The following CHCHD3 variants were observed in gnomAD, a reference collection of about 807,000 sequenced individuals.
The protein encoded by CHCHD3 is coiled-coil-helix-coiled-coil-helix domain containing 3, also known as MICOS complex subunit MIC19.
Under a neutral mutation model 38.2 loss-of-function variants are expected in CHCHD3, and 20 were observed. The observed-to-expected ratio is 0.52, with a 90% confidence interval of 0.37 to 0.76. The LOEUF (loss-of-function observed/expected upper bound fraction) is 0.76, where lower values mean the gene tolerates loss of function less well. Ranked by LOEUF, CHCHD3 falls within the 30% of genes least tolerant of loss-of-function variation. The probability of loss-of-function intolerance (pLI) is 0.00; values close to 1 mark genes in which losing one functional copy is unlikely to be tolerated. For missense variants in CHCHD3, 245 were observed against 279.2 expected, an observed-to-expected ratio of 0.88 and a Z score of 0.87; for synonymous variants, 82 against 100.0, an observed-to-expected ratio of 0.82 and a Z score of 1.07.
intron 3 of CHCHD3, among the ~76,000 whole-genome samples, chr7:133,017,726 C>A (rs542522833): frequency 7.2e-5 from 11 of 152,246 alleles, no homozygotes; most frequent in African/African-American, 2.6e-4. Context: ...GTAAAAATAT[C>A]TTCTCAAACA....
intron 3 of CHCHD3, among the ~76,000 whole-genome samples, chr7:132,998,249 T>C (rs1812477515): frequency 6.6e-6 from 1 of 152,226 alleles, no homozygotes; most frequent in Admixed American, 6.5e-5. Context: ...AACAATGCAG[T>C]TTAGGCTGCA....
chr7:132,859,203 C>A (rs1808421122), intron 5 of CHCHD3, among the ~76,000 whole-genome samples: 1 of 152,094 alleles, frequency 6.6e-6, no homozygotes, highest in South Asian at 2.1e-4. Flanking sequence ...CTTCCCTGAA[C>A]CTACAATGAG....
intron 6 of CHCHD3, among the ~76,000 whole-genome samples, chr7:132,823,818 C>T (rs1807441496): frequency 6.6e-6 from 1 of 152,166 alleles, no homozygotes; most frequent in Admixed American, 6.5e-5. Context: ...GAACCTGGTA[C>T]CTTGTGAATT....
chr7:132,901,453 C>G (rs1339430022), intron 4 of CHCHD3, among the ~76,000 whole-genome samples: 3 of 152,154 alleles, frequency 2.0e-5, no homozygotes, highest in African/African-American at 7.2e-5. Flanking sequence ...ATTAAAGAAG[C>G]CACCCTGAGG....
At chr7:132,872,626 C>G (rs1176822351) in intron 5 of CHCHD3, among the ~76,000 whole-genome samples, 1 of 152,194 alleles carries the variant, frequency 6.6e-6, no homozygotes, top group African/African-American at 2.4e-5. Context: ...TAATCATGCC[C>G]TGTAATAAAG....
intron 3 of CHCHD3, among the ~76,000 whole-genome samples, chr7:132,981,521 T>A (rs1164146869): frequency 6.6e-6 from 1 of 152,248 alleles, no homozygotes; most frequent in Non-Finnish European, 1.5e-5. Flanking sequence ...TAGGCTCTTT[T>A]AAAATTTGTG....
intron 5 of CHCHD3, among the ~76,000 whole-genome samples, chr7:132,868,896 A>C: frequency 6.6e-6 from 1 of 152,058 alleles, no homozygotes; most frequent in South Asian, 2.1e-4. Context: ...CAGCCTGGTG[A>C]CCCACCCTCA....
chr7:132,867,415 T>C (rs1808660880), intron 5 of CHCHD3, among the ~76,000 whole-genome samples: 1 of 152,184 alleles, frequency 6.6e-6, no homozygotes. Flanking sequence ...AAAAAATTAT[T>C]TGAAAGTATT....
intron 5 of CHCHD3, among the ~76,000 whole-genome samples, chr7:132,878,019 A>G (rs1808957656): frequency 6.6e-6 from 1 of 152,168 alleles, no homozygotes; most frequent in East Asian, 1.9e-4. Flanking sequence ...GGGAATATCA[A>G]ACGGTTTCTT....
At chr7:132,969,043 G>A (rs944405648) in intron 4 of CHCHD3, among the ~76,000 whole-genome samples, 1 of 152,052 alleles carries the variant, frequency 6.6e-6, no homozygotes, top group African/African-American at 2.4e-5. Flanking sequence ...TGCTTCACTG[G>A]TGCATTTCAG....
At chr7:132,982,727 C>T (rs888594133) in intron 3 of CHCHD3, among the ~76,000 whole-genome samples, 10 of 152,130 alleles carry the variant, frequency 6.6e-5, no homozygotes, top group African/African-American at 1.4e-4. Flanking sequence ...AATTATATTT[C>T]GGATGAAAAG....
intron 4 of CHCHD3, among the ~76,000 whole-genome samples, chr7:132,957,297 C>G (rs1034636278): frequency 2.0e-5 from 3 of 152,114 alleles, no homozygotes; most frequent in Non-Finnish European, 4.4e-5. Context: ...TAAGTTGACC[C>G]CATCTACTCG....
intron 1 of CHCHD3, among the ~76,000 whole-genome samples, chr7:133,080,086 G>A (rs1164925713): frequency 6.6e-6 from 1 of 152,172 alleles, no homozygotes; most frequent in African/African-American, 2.4e-5. Context: ...AGGAGGATTT[G>A]AAGCAATGGA....
At chr7:132,802,152 A>G (rs1806809433) in intron 6 of CHCHD3, among the ~76,000 whole-genome samples, 1 of 152,188 alleles carries the variant, frequency 6.6e-6, no homozygotes, top group African/African-American at 2.4e-5. Context: ...CAATTTTGCA[A>G]TATGTTTTTC....
chr7:132,885,928 G>T (rs1177071045), intron 4 of CHCHD3, among the ~76,000 whole-genome samples, 183 bp from the exon 5 acceptor site: 3 of 152,024 alleles, frequency 2.0e-5, no homozygotes, highest in Non-Finnish European at 4.4e-5. Flanking sequence ...GAAGAAGTCC[G>T]CATTGTATTT....
At chr7:132,924,459 A>C (rs1188652751) in intron 4 of CHCHD3, among the ~76,000 whole-genome samples, 2 of 152,168 alleles carry the variant, frequency 1.3e-5, no homozygotes, top group African/African-American at 2.4e-5. Flanking sequence ...GTATAGGTAA[A>C]AATTAATCTC....
At chr7:132,970,288 T>C (rs778438692) in intron 4 of CHCHD3, among the ~76,000 whole-genome samples, 2 of 152,180 alleles carry the variant, frequency 1.3e-5, no homozygotes, top group African/African-American at 2.4e-5. Flanking sequence ...CAGGGGTCCT[T>C]TCCCCAGAAA....
chr7:132,838,666 C>T (rs1007689624), intron 5 of CHCHD3, among the ~76,000 whole-genome samples, 197 bp from the exon 6 acceptor site: 3 of 152,162 alleles, frequency 2.0e-5, no homozygotes, highest in South Asian at 2.1e-4. Flanking sequence ...TGTTGGTATG[C>T]GGATTATAAT....
chr7:132,927,451 A>C (rs1013939928), intron 4 of CHCHD3, among the ~76,000 whole-genome samples: 3 of 152,210 alleles, frequency 2.0e-5, no homozygotes, highest in Admixed American at 2.0e-4. Flanking sequence ...TAACTTGATA[A>C]AATATGTAAC....
Sources: allele counts gnomAD v4.1 joint callset (sites outside exome capture counted in the v4.1 genomes callset), GRCh38; gene constraint gnomAD v4.1.1; transcripts MANE v1.5; gene names NCBI Gene and HGNC (gene_info 2026-07-23, HGNC 2026-07-21).